The following RYR2 variants were observed in gnomAD, a reference collection of about 807,000 sequenced individuals.
RYR2 encodes the protein ryanodine receptor 2.
In RYR2, 227 loss-of-function variants were observed where a neutral mutation model predicts 601.1. That is an observed-to-expected ratio of 0.38 (90% CI 0.34 to 0.42). The LOEUF is 0.42. Ranked by LOEUF, RYR2 falls within the 10% of genes least tolerant of loss-of-function variation. RYR2 has a pLI of 1.00. For missense variants in RYR2, 4,646 were observed against 6,156.5 expected (o/e 0.75, Z 8.21); for synonymous variants, 2,223 against 2,175.1 (o/e 1.02, Z -0.61).
chr1:237,198,155 T>C (rs1680770213), intron 1 of RYR2, among the ~76,000 whole-genome samples: 1 of 152,186 alleles, frequency 6.6e-6, no homozygotes, highest in South Asian at 2.1e-4. Context: ...TTTGATAGAA[T>C]GGTTTCCAGA....
intron 34 of RYR2, among the ~76,000 whole-genome samples, chr1:237,601,734 T>C (rs866429033): frequency 6.6e-6 from 1 of 152,148 alleles, no homozygotes; most frequent in African/African-American, 2.4e-5. Flanking sequence ...TAAAAAACAG[T>C]AAATTAGAAA....
In RYR2 at chr1:237,783,940, A is replaced by C; in HGVS notation, c.12228A>C (p.Glu4076Asp). 6.2e-7 allele frequency: 1 copy of C among 1,613,590 alleles called. No homozygotes were observed. The highest frequency in any genetic ancestry group is 8.5e-7 in the Non-Finnish European group (1 of 1,179,704). The stretch of plus-strand genomic sequence containing the variant: ...CTTGTGCGGAGACGGATGAGAATGA[A>C]ACCCTCGACTACGAAGAGTTCGTCA... ...LLSCAETDEN[E>D]TLDYEEFVKR... The change falls in exon 90 of 105, where the codon GAA becomes GAC. Residue 4076 changes from glutamate (E) to aspartate (D), a missense_variant. Physicochemically the swap from Glu to Asp is conservative, Grantham distance 45 (BLOSUM62 2). Coordinates refer to ENST00000366574, the MANE Select transcript of RYR2 (RefSeq NM_001035.3).
In RYR2 at chr1:237,789,864, C is replaced by G. The variant is rs140818179; in HGVS notation, c.13477-1565C>G. ...TCCCCTAAGTGAGAGCTCAGCCTAG[C>G]TAACTCAGCCTCTGTGACCCAGATC... is the stretch of plus-strand genomic sequence containing the variant. On this transcript the variant is annotated intron_variant, in intron 92 of 104. Coordinates refer to ENST00000366574, the MANE Select transcript of RYR2 (RefSeq NM_001035.3). Among the ~76,000 whole-genome samples, 6 of 152,286 alleles carry G rather than the reference C, an allele frequency of 3.9e-5. No homozygotes were observed. The East Asian group carries it at 1.2e-3, about 29-fold the overall frequency.
At chr1:237,551,239 T>C (rs892307711) in intron 27 of RYR2, among the ~76,000 whole-genome samples, 8 of 152,176 alleles carry the variant, frequency 5.3e-5, no homozygotes, top group African/African-American at 1.9e-4. Context: ...CTTTGAAGAA[T>C]GTAGTTTAGG....
intron 24 of RYR2, among the ~76,000 whole-genome samples, chr1:237,526,990 A>G (rs1490875618): frequency 1.7e-4 from 26 of 152,136 alleles, no homozygotes; most frequent in Admixed American, 1.6e-3. Flanking sequence ...ATGGTGAGAG[A>G]TAGAGGTGCA....
intron 83 of RYR2, among the ~76,000 whole-genome samples, chr1:237,760,596 C>T (rs1363943400): frequency 1.3e-5 from 2 of 151,982 alleles, no homozygotes; most frequent in Non-Finnish European, 2.9e-5. Context: ...ATTCAGACAG[C>T]ATTTGACTAA....
chr1:237,582,254 C>T (rs1673994357), intron 29 of RYR2, among the ~76,000 whole-genome samples: 1 of 144,774 alleles, frequency 6.9e-6, no homozygotes, highest in Non-Finnish European at 1.5e-5. Flanking sequence ...AGGCACTGGC[C>T]ACCACACCCA....
intron 10 of RYR2, among the ~76,000 whole-genome samples, chr1:237,412,587 T>A (rs1266108083): frequency 2.0e-5 from 3 of 152,226 alleles, no homozygotes; most frequent in Admixed American, 2.0e-4. Context: ...TTTTAGCACA[T>A]ACTCTTTTTC....
intron 1 of RYR2, among the ~76,000 whole-genome samples, chr1:237,238,856 GA>G (rs947890897): frequency 5.6e-4 from 84 of 149,448 alleles, no homozygotes; most frequent in African/African-American, 2.2e-3. Flanking sequence ...TTTGTAAGTA[GA>G]TCATTTGTGG....
chr1:237,110,462 G>A lies in RYR2; in HGVS notation c.48+67893G>A, dbSNP rs113914442. Among the ~76,000 whole-genome samples, 924 of 132,926 alleles carry A rather than the reference G, an allele frequency of 7.0e-3. 10 individuals are homozygous for A. Among genetic ancestry groups the A allele is most frequent in the African/African-American group, 0.019 (661 of 34,246 alleles). The allele number at this position is 132,926 out of a possible 152,430, so 87.2% of individuals were successfully genotyped here. ...CCCGAAGTGTGATGTTCCCCTTCCT[G>A]TGTCCATGTGTTCTCATTGTTCAAT... On this transcript the variant is annotated intron_variant, in intron 1 of 104. Coordinates refer to ENST00000366574, the MANE Select transcript of RYR2 (RefSeq NM_001035.3).
At chr1:237,166,253 T>C (rs991238107) in intron 1 of RYR2, among the ~76,000 whole-genome samples, 4 of 152,216 alleles carry the variant, frequency 2.6e-5, no homozygotes, top group African/African-American at 7.2e-5. Flanking sequence ...TTCCATCTGC[T>C]TCTCTGATAT....
chr1:237,628,531 C>G (rs907814378), intron 41 of RYR2, among the ~76,000 whole-genome samples: 5 of 151,940 alleles, frequency 3.3e-5, no homozygotes, highest in Admixed American at 6.6e-5. Flanking sequence ...TCATCCATGT[C>G]CCTACAAAGG....
rs752032924 is a variant in RYR2 at position 237,723,204 on chromosome 1, C to T, written c.10631C>T (p.Pro3544Leu). ...LPNRTDDTSD[P>L]EKTVERVLDI... ...AACAGGACTGATGATACCTCAGATC[C>T]AGAGAAGACGGTAGAAAGAGTATTG... The change falls in exon 74 of 105, where the codon CCA (proline) becomes CTA (leucine). Residue 3544 changes from proline (P) to leucine (L), a missense_variant. By Grantham distance (98) the Pro-to-Leu change is moderately conservative (BLOSUM62 -3). Around this residue, in one of 17 missense-constraint regions of RYR2, gnomAD observed 1,497 missense variants for 1,842.6 expected, o/e 0.81. Transcript: ENST00000366574. 55 of 1,610,876 alleles carry T rather than the reference C, an allele frequency of 3.4e-5. No individual in the cohort carries two copies. Among genetic ancestry groups the T allele is most frequent in the Non-Finnish European group, 4.6e-5 (54 of 1,177,424 alleles).
intron 17 of RYR2, among the ~76,000 whole-genome samples, chr1:237,484,241 G>T (rs1662433065): frequency 6.6e-6 from 1 of 152,166 alleles, no homozygotes; most frequent in Non-Finnish European, 1.5e-5. Context: ...TCACACTCCT[G>T]TATCCTTCAT....
At chr1:237,230,485 A>C (rs1442486376) in intron 1 of RYR2, among the ~76,000 whole-genome samples, 1 of 152,218 alleles carries the variant, frequency 6.6e-6, no homozygotes, top group Non-Finnish European at 1.5e-5. Flanking sequence ...AGGAATTGAC[A>C]TTGAAAGTAG....
intron 100 of RYR2, among the ~76,000 whole-genome samples, chr1:237,810,317 T>A (rs953946152): frequency 1.3e-4 from 20 of 152,182 alleles, no homozygotes; most frequent in African/African-American, 4.1e-4. Context: ...GTAAGTCACA[T>A]GACCAGACAA....
At chr1:237,429,541 C>T (rs1222718683) in intron 12 of RYR2, among the ~76,000 whole-genome samples, 1 of 152,072 alleles carries the variant, frequency 6.6e-6, no homozygotes, top group Non-Finnish European at 1.5e-5. Flanking sequence ...TGCTGCCTGA[C>T]CCTGTGTCTA....
intron 1 of RYR2, among the ~76,000 whole-genome samples, chr1:237,151,267 T>A (rs746658365): frequency 6.6e-5 from 10 of 152,174 alleles, no homozygotes; most frequent in Non-Finnish European, 1.2e-4. Context: ...AGGGCATTAT[T>A]ACTTACTTGA....
chr1:237,661,226 C>T (rs1683758721), intron 56 of RYR2, among the ~76,000 whole-genome samples: 1 of 152,044 alleles, frequency 6.6e-6, no homozygotes, highest in South Asian at 2.1e-4. Context: ...AACCATCATT[C>T]TCAGCAAACT....
Sources: gnomAD v4.1 joint callset for allele counts (sites outside exome capture counted in the v4.1 genomes callset) on GRCh38, gnomAD v4.1.1 for gene constraint, gnomAD v4.1.1 regional missense constraint, MANE v1.5 for transcripts, NCBI Gene and HGNC (gene_info 2026-07-23, HGNC 2026-07-21) for gene names.